The following CBL variants were observed in gnomAD, a reference collection of about 807,000 sequenced individuals.
CBL encodes the protein E3 ubiquitin-protein ligase CBL.
Under a neutral mutation model 96.9 loss-of-function variants are expected in CBL, and 45 were observed. That is an observed-to-expected ratio of 0.46 (90% CI 0.37 to 0.60). The LOEUF (loss-of-function observed/expected upper bound fraction) is 0.60. CBL is among the 20% of genes least tolerant of loss of function. The pLI, the probability that CBL is intolerant of heterozygous loss-of-function variation, is 0.00. For synonymous variants in CBL, 420 were observed against 426.8 expected (o/e 0.98, Z 0.20); for missense variants, 1,024 against 1,143.5 (o/e 0.90, Z 1.51).
At chr11:119,250,066 T>G (rs1949659660) in intron 2 of CBL, among the ~76,000 whole-genome samples, 1 of 152,174 alleles carries the variant, frequency 6.6e-6, no homozygotes, top group South Asian at 2.1e-4. Flanking sequence ...GCTGGGCAAT[T>G]TTTGAGTGGA....
At chr11:119,295,087 G>T (rs1950054981) in intron 12 of CBL, among the ~76,000 whole-genome samples, 1 of 152,236 alleles carries the variant, frequency 6.6e-6, no homozygotes, top group Non-Finnish European at 1.5e-5. Context: ...TGTAGTAGAA[G>T]CAGCAGTAGG....
intron 12 of CBL, among the ~76,000 whole-genome samples, chr11:119,294,140 T>C (rs1323868123): frequency 6.6e-6 from 1 of 152,082 alleles, no homozygotes; most frequent in Non-Finnish European, 1.5e-5. Flanking sequence ...TAATTAAAAT[T>C]TTTAAAAGTT....
chr11:119,216,237 T>C (rs190378729), intron 1 of CBL, among the ~76,000 whole-genome samples: 4 of 152,330 alleles, frequency 2.6e-5, no homozygotes, highest in Admixed American at 2.6e-4. Context: ...GTGGCTTGGA[T>C]CTGCCATGGA....
intron 2 of CBL, among the ~76,000 whole-genome samples, chr11:119,270,401 A>G (rs916344822): frequency 8.1e-6 from 1 of 123,772 alleles, no homozygotes. Flanking sequence ...GCACACCACC[A>G]TGGTCAGCTA....
intron 1 of CBL, among the ~76,000 whole-genome samples, chr11:119,210,446 T>G (rs765342532): frequency 9.2e-5 from 14 of 151,922 alleles, no homozygotes; most frequent in Non-Finnish European, 1.5e-4. Context: ...AGAGACTTTA[T>G]TTATTTATTT....
At chr11:119,279,848 GTGTT>G (rs765701073) in intron 9 of CBL, among the ~76,000 whole-genome samples, 3 of 152,180 alleles carry the variant, frequency 2.0e-5, no homozygotes, top group Admixed American at 6.5e-5. Flanking sequence ...CTTTTTCAAA[GTGTT>G]TGTTGTGCTA....
chr11:119,276,319 T>C (rs1379806037), intron 6 of CBL, among the ~76,000 whole-genome samples, 185 bp downstream of exon 6: 1 of 152,228 alleles, frequency 6.6e-6, no homozygotes, highest in African/African-American at 2.4e-5. Context: ...AGGGATTCCA[T>C]GAGTGAAATT....
Position 119,211,819 on chromosome 11 carries a change from CTT to C in CBL, c.195+5209_195+5210del, listed in dbSNP as rs534260675. On this transcript the variant is annotated intron_variant, in intron 1 of 15. Transcript: ENST00000264033. ...GTGCCCGGTTGTTGTTGTTACGACTCTTTAAAAATGTGAAAGCCACAAAAAAA... is the reference window on the plus strand; with the variant it reads ...GTGCCCGGTTGTTGTTGTTACGACTCTAAAAATGTGAAAGCCACAAAAAAA... 5.3e-5 allele frequency among the ~76,000 whole-genome samples: 8 copies of C among 152,072 alleles called. No homozygotes were observed. The South Asian group carries it at 1.5e-3, about 28-fold the overall frequency.
At position 119,304,920 on chromosome 11, in the gene CBL, C is replaced by T. The variant is rs886047799; in HGVS notation, c.*5139C>T. On this transcript the variant is annotated 3_prime_UTR_variant, in exon 16 of 16. Coordinates refer to ENST00000264033, the MANE Select transcript of CBL (RefSeq NM_005188.4). Reference sequence around the variant, plus strand: ...GATTACAGGCGTGAGCCACCGCGCCCGGCCCATACTTCGTATTCTTAAAAA... The same window carrying T: ...GATTACAGGCGTGAGCCACCGCGCCTGGCCCATACTTCGTATTCTTAAAAA... 2.1e-5 allele frequency: 4 copies of T among 194,998 alleles called. No homozygotes were observed. Among genetic ancestry groups the T allele is most frequent in the Non-Finnish European group, 3.2e-5 (3 of 93,754 alleles). The allele number at this position is 194,998 out of a possible 1,614,324, so 12.1% of individuals were successfully genotyped here.
chr11:119,268,076 AAGTT>A (rs1949817436), intron 2 of CBL, among the ~76,000 whole-genome samples: 1 of 152,202 alleles, frequency 6.6e-6, no homozygotes, highest in Non-Finnish European at 1.5e-5. Flanking sequence ...AAGAACTAAG[AAGTT>A]AGTTAGAAAG....
chr11:119,236,594 A>AGT lies in CBL; in HGVS notation c.443+3900_443+3901dup, dbSNP rs1479595102. Among the ~76,000 whole-genome samples the AGT allele has an allele frequency of 9.6e-4, 83 of 86,500 alleles. 1 individual carries two copies. In the South Asian group the frequency reaches 0.01, roughly 11 times the overall value. The allele number at this position is 86,500 out of a possible 152,430, so 56.7% of individuals were successfully genotyped here. On this transcript the variant is annotated intron_variant, in intron 2 of 15. Transcript: ENST00000264033. ...TACATATATGTTTTCACTTCTTTTG[A>AGT]GTATATATATATATATATATATATA...
chr11:119,251,581 C>G (rs1408306580), intron 2 of CBL, among the ~76,000 whole-genome samples: 5 of 152,092 alleles, frequency 3.3e-5, no homozygotes, highest in Non-Finnish European at 5.9e-5. Flanking sequence ...AATAACCATG[C>G]CTTTTGGACA....
At position 119,206,525 on chromosome 11, in the gene CBL, C is replaced by T. The variant is rs748961080; in HGVS notation, c.108C>T (p.His36=). Residue 36 remains histidine, a synonymous_variant, in exon 1 of 16, where the codon CAC becomes CAT. Coordinates refer to ENST00000264033, the MANE Select transcript of CBL (RefSeq NM_005188.4). The stretch of plus-strand genomic sequence containing the variant: ...TCATGAAGGACGCCTTCCAGCCGCA[C>T]CACCACCACCACCACCACCTCAGCC... ...IGLMKDAFQP[H]HHHHHHLSPH... is the part of the protein sequence containing the mutation. 4 of 1,519,030 alleles carry T rather than the reference C, an allele frequency of 2.6e-6. No homozygotes were observed. The highest frequency in any genetic ancestry group is 4.0e-5 in the Admixed American group (2 of 49,388). The allele number at this position is 1,519,030 out of a possible 1,614,324, so 94.1% of individuals were successfully genotyped here.
At chr11:119,214,991 A>G (rs1324892987) in intron 1 of CBL, among the ~76,000 whole-genome samples, 1 of 151,770 alleles carries the variant, frequency 6.6e-6, no homozygotes, top group East Asian at 1.9e-4. Flanking sequence ...ATTATTGTAA[A>G]ACATGATTTG....
At chr11:119,243,499 C>T (rs1206474671) in intron 2 of CBL, among the ~76,000 whole-genome samples, 16 of 144,638 alleles carry the variant, frequency 1.1e-4, no homozygotes, top group Admixed American at 9.8e-4. Flanking sequence ...TATGAGACCC[C>T]GTCTCAAAAA....
At chr11:119,246,265 G>T (rs1039857770) in intron 2 of CBL, among the ~76,000 whole-genome samples, 1 of 151,756 alleles carries the variant, frequency 6.6e-6, no homozygotes, top group Non-Finnish European at 1.5e-5. Context: ...GAACCACCGC[G>T]CCCGGCCTTA....
At chr11:119,278,768 C>A in intron 9 of CBL, 55 bp downstream of exon 9, 1 of 1,345,946 alleles carries the variant, frequency 7.4e-7, no homozygotes, top group South Asian at 1.2e-5. Context: ...TCTTCTAAAG[C>A]CGTAAAACAC....
At chr11:119,230,064 G>A (rs913409157) in intron 1 of CBL, among the ~76,000 whole-genome samples, 1 of 152,050 alleles carries the variant, frequency 6.6e-6, no homozygotes, top group Non-Finnish European at 1.5e-5. Context: ...GTTAAGATAT[G>A]TTATTGTCTA....
chr11:119,296,992 C>A lies in CBL; in HGVS notation c.2111C>A (p.Ser704Tyr). 6.2e-7 allele frequency: 1 copy of A among 1,610,892 alleles called. No homozygotes were observed. The highest frequency in any genetic ancestry group is 8.5e-7 in the Non-Finnish European group (1 of 1,176,974). ...GEEDTEYMTP[S>Y]SRPLRPLDTS... ...GAGGACACAGAGTACATGACTCCCT[C>A]TTCCAGGCCTCTACGGCCTTTGGAT... is the stretch of plus-strand genomic sequence containing the variant. The change falls in exon 13 of 16, where the codon TCT becomes TAT. Residue 704 changes from serine (S) to tyrosine (Y), a missense_variant. Ser to Tyr is a moderately radical substitution (Grantham distance 144). Around this residue, in one of 4 missense-constraint regions of CBL, gnomAD observed 695 missense variants for 661.6 expected, o/e 1.05. Transcript: ENST00000264033.
Sources: allele counts gnomAD v4.1 joint callset (sites outside exome capture counted in the v4.1 genomes callset), GRCh38; gene constraint gnomAD v4.1.1; regional missense constraint gnomAD v4.1.1; transcripts MANE v1.5; gene names NCBI Gene and HGNC (gene_info 2026-07-23, HGNC 2026-07-21).